The following SCAMP2 variants were observed in gnomAD, a reference collection of about 807,000 sequenced individuals.
SCAMP2 encodes secretory carrier-associated membrane protein 2.
SCAMP2 carries 25 observed loss-of-function variants against 44.1 expected under a neutral mutation model. The ratio of observed to expected loss-of-function variants is 0.57; its 90% CI spans 0.41 to 0.79. The LOEUF (loss-of-function observed/expected upper bound fraction) is 0.79. Ranked by LOEUF, SCAMP2 falls within the 30% of genes least tolerant of loss-of-function variation. SCAMP2 has a pLI of 0.00. For missense variants in SCAMP2, 355 were observed against 411.0 expected (o/e 0.86, Z 1.18); for synonymous variants, 156 against 166.0 (o/e 0.94, Z 0.46).
chr15:74,848,737 T>C (rs1432279033), intron 6 of SCAMP2, 36 bp from the exon 7 acceptor site: 1 of 1,466,220 alleles, frequency 6.8e-7, no homozygotes, highest in African/African-American at 1.4e-5. Context: ...ACAAGAGGGC[T>C]TGGGCTGTGT....
chr15:74,871,380 T>C (rs549475873), intron 1 of SCAMP2, among the ~76,000 whole-genome samples: 3 of 151,626 alleles, frequency 2.0e-5, no homozygotes, highest in Non-Finnish European at 4.4e-5. Context: ...AAATAATCAT[T>C]TGAATCCTGG....
At position 74,868,009 on chromosome 15, in the gene SCAMP2, C is replaced by G. The variant is rs192580467; in HGVS notation, c.57+5190G>C. 3.1e-3 allele frequency among the ~76,000 whole-genome samples: 478 copies of G among 152,258 alleles called. 2 individuals are homozygous for G. The highest frequency in any genetic ancestry group is 0.011 in the African/African-American group (459 of 41,552). On this transcript the variant is annotated intron_variant, in intron 1 of 8. Transcript: ENST00000268099. ...ACAATGACTCCCTTTAGCTTTCCAC[C>G]CCTTCATCACCTGACAAGACTTAAT...
chr15:74,851,952 G>C, intron 4 of SCAMP2, 117 bp downstream of exon 4: 1 of 619,130 alleles, frequency 1.6e-6, no homozygotes, highest in East Asian at 3.0e-5. Flanking sequence ...GTGATGAGAA[G>C]AGCCCCACAA....
intron 1 of SCAMP2, among the ~76,000 whole-genome samples, chr15:74,863,067 G>A (rs968990029): frequency 2.6e-5 from 4 of 151,620 alleles, no homozygotes; most frequent in Non-Finnish European, 5.9e-5. Context: ...AAATTAGGCC[G>A]GGTGCAGTGG....
chr15:74,851,497 A>G lies in SCAMP2; in HGVS notation c.344-16T>C, dbSNP rs961658572. 6.2e-7 allele frequency: 1 copy of G among 1,613,280 alleles called. No individual in the cohort carries two copies. The highest frequency in any genetic ancestry group is 8.5e-7 in the Non-Finnish European group (1 of 1,179,420). On this transcript the variant is annotated splice_polypyrimidine_tract_variant and intron_variant, in intron 4 of 8. Transcript: ENST00000268099. Reference sequence around the variant, plus strand: ...TTCTGTCTCACTGGGTAGGGCAAAAAGAGTGACGAGGTAAGGGCCCAGCCT... The same window carrying G: ...TTCTGTCTCACTGGGTAGGGCAAAAGGAGTGACGAGGTAAGGGCCCAGCCT...
chr15:74,871,013 C>T (rs926628761), intron 1 of SCAMP2, among the ~76,000 whole-genome samples: 2 of 152,200 alleles, frequency 1.3e-5, no homozygotes, highest in Non-Finnish European at 2.9e-5. Flanking sequence ...GCTCATAATT[C>T]ACCAGTCAGC....
chr15:74,849,439 T>G (rs191434744), intron 6 of SCAMP2, among the ~76,000 whole-genome samples: 490 of 137,540 alleles, frequency 3.6e-3, no homozygotes, highest in Non-Finnish European at 6.1e-3. Flanking sequence ...CAGACTGAGA[T>G]TCTGTCTCAA....
At chr15:74,858,648 C>G (rs1049448008) in intron 1 of SCAMP2, among the ~76,000 whole-genome samples, 1 of 151,924 alleles carries the variant, frequency 6.6e-6, no homozygotes, top group African/African-American at 2.4e-5. Flanking sequence ...GATGGTAAAG[C>G]TGAGTGGGGC....
At chr15:74,872,980 T>G (rs1181687195) in intron 1 of SCAMP2, 1 of 478,534 alleles carries the variant, frequency 2.1e-6, no homozygotes, top group Non-Finnish European at 3.6e-6. Context: ...AAGACCCCAC[T>G]GTCTCCAACA....
rs1414520772 is a variant in SCAMP2 at position 74,864,890 on chromosome 15, C to T, written c.57+8309G>A. Among the ~76,000 whole-genome samples the T allele has an allele frequency of 4.5e-4, 60 of 134,156 alleles. No homozygotes were observed. In the Middle Eastern group the frequency reaches 0.015, roughly 33 times the overall value. The allele number at this position is 134,156 out of a possible 152,430, so 88.0% of individuals were successfully genotyped here. A position where few individuals can be genotyped will look rare whatever the true frequency, so the allele number is the denominator to read the frequency against. On this transcript the variant is annotated intron_variant, in intron 1 of 8. Transcript: ENST00000268099. ...TCACTAGAGGTCAGAAGTTTGAGAC[C>T]AGTCTGGCCAACATGGTGAAACCCC...
intron 1 of SCAMP2, among the ~76,000 whole-genome samples, chr15:74,858,189 G>A (rs1417546231): frequency 2.6e-5 from 4 of 152,106 alleles, no homozygotes; most frequent in South Asian, 4.1e-4. Flanking sequence ...TAGTGTCTAC[G>A]GTGTGCCAAA....
intron 1 of SCAMP2, among the ~76,000 whole-genome samples, chr15:74,865,949 T>TAGAA (rs1371081548): frequency 3.4e-5 from 3 of 87,090 alleles, no homozygotes; most frequent in Non-Finnish European, 6.3e-5. Flanking sequence ...AGACTCTGTC[T>TAGAA]CGAAGGAAGG....
At chr15:74,853,422 C>G in intron 3 of SCAMP2, 1 of 456,482 alleles carries the variant, frequency 2.2e-6, no homozygotes, top group Non-Finnish European at 4.4e-6. Context: ...CTCCTAGGAG[C>G]ATCTGCCTCT....
At position 74,845,229 on chromosome 15, in the gene SCAMP2, G is replaced by T. The variant is rs773066760; in HGVS notation, c.856-12C>A. ...TAGAGGGAGTGCACCTGGCGAAGAG[G>T]GGTGGGGTGAGAGAAGCCTGTCCTT... is the stretch of plus-strand genomic sequence containing the variant. On this transcript the variant is annotated splice_polypyrimidine_tract_variant and intron_variant, in intron 8 of 8. Transcript: ENST00000268099. The T allele has an allele frequency of 6.2e-7, 1 of 1,610,888 alleles. No homozygotes were observed. The highest frequency in any genetic ancestry group is 1.1e-5 in the South Asian group (1 of 90,920).
At chr15:74,873,169 G>A in intron 1 of SCAMP2, 30 bp downstream of exon 1, 2 of 1,424,668 alleles carry the variant, frequency 1.4e-6, no homozygotes, top group South Asian at 3.1e-5. Context: ...AGGGAAATCT[G>A]AGAGCTGGAT....
intron 5 of SCAMP2, 36 bp from the exon 6 acceptor site, chr15:74,850,709 C>T: frequency 1.9e-6 from 3 of 1,609,374 alleles, no homozygotes; most frequent in Non-Finnish European, 2.5e-6. Flanking sequence ...ATGACTTGTG[C>T]CACAGTGGCT....
intron 1 of SCAMP2, among the ~76,000 whole-genome samples, chr15:74,869,069 G>A (rs1352151905): frequency 4.6e-5 from 7 of 152,122 alleles, no homozygotes; most frequent in Middle Eastern, 3.2e-3. Flanking sequence ...CAGGAGAATC[G>A]CTTGAACCCA....
chr15:74,863,271 G>T (rs1286290121), intron 1 of SCAMP2, among the ~76,000 whole-genome samples: 1 of 151,826 alleles, frequency 6.6e-6, no homozygotes, highest in African/African-American at 2.4e-5. Context: ...CTTGAACCTG[G>T]GAGGCGGGGA....
At chr15:74,863,827 C>T (rs2064524637) in intron 1 of SCAMP2, among the ~76,000 whole-genome samples, 1 of 152,128 alleles carries the variant, frequency 6.6e-6, no homozygotes, top group Admixed American at 6.6e-5. Flanking sequence ...GAAGCCAGGG[C>T]AAGAGGTGAT....
Sources: allele counts gnomAD v4.1 joint callset (sites outside exome capture counted in the v4.1 genomes callset), GRCh38; gene constraint gnomAD v4.1.1; transcripts MANE v1.5; gene names NCBI Gene and HGNC (gene_info 2026-07-23, HGNC 2026-07-21).